Variants in RTF2 observed in about 807,000 individuals in gnomAD.
The protein encoded by RTF2 is UPF0549 protein C20orf43.
In RTF2, 18 loss-of-function variants were observed where a neutral mutation model predicts 38.0. That is an observed-to-expected ratio of 0.47 (90% CI 0.33 to 0.70). The LOEUF (loss-of-function observed/expected upper bound fraction) is 0.70, where lower values mean the gene tolerates loss of function less well. RTF2 is among the 30% of genes least tolerant of loss of function. The probability of loss-of-function intolerance (pLI) is 0.02; values close to 1 mark genes in which losing one functional copy is unlikely to be tolerated. For synonymous variants in RTF2, 126 were observed against 137.1 expected, an observed-to-expected ratio of 0.92 and a Z score of 0.57; for missense variants, 311 against 379.6, an observed-to-expected ratio of 0.82 and a Z score of 1.50.
At chr20:56,514,617 T>C (rs1034161912) in intron 6 of RTF2, among the ~76,000 whole-genome samples, 2 of 152,118 alleles carry the variant, frequency 1.3e-5, no homozygotes, top group Non-Finnish European at 2.9e-5. Context: ...CCTGGAATAA[T>C]GTGTAATTCG....
chr20:56,480,092 T>C (rs1982456811), intron 4 of RTF2, among the ~76,000 whole-genome samples: 1 of 152,226 alleles, frequency 6.6e-6, no homozygotes, highest in Non-Finnish European at 1.5e-5. Flanking sequence ...TTTTTAGCAG[T>C]AGAAGTCCTG....
chr20:56,485,237 G>A (rs910909575), intron 5 of RTF2, among the ~76,000 whole-genome samples: 15 of 152,208 alleles, frequency 9.9e-5, no homozygotes, highest in African/African-American at 1.4e-4. Flanking sequence ...CGAAGGGCAC[G>A]AGGGAGCCAG....
At chr20:56,478,384 A>T (rs1229758305) in intron 4 of RTF2, among the ~76,000 whole-genome samples, 1 of 152,000 alleles carries the variant, frequency 6.6e-6, no homozygotes, top group African/African-American at 2.4e-5. Flanking sequence ...AGACCTCGCT[A>T]CTTGGGAGGC....
intron 4 of RTF2, among the ~76,000 whole-genome samples, chr20:56,479,200 A>G (rs987034896): frequency 2.0e-5 from 3 of 152,078 alleles, no homozygotes; most frequent in Admixed American, 1.3e-4. Flanking sequence ...TCCTCTCATG[A>G]ATCACAGATT....
intron 1 of RTF2, chr20:56,472,317 A>T: frequency 6.7e-7 from 1 of 1,489,572 alleles, no homozygotes; most frequent in Non-Finnish European, 9.2e-7. Flanking sequence ...GTCCTGTTAA[A>T]TTATTCAGAT....
intron 8 of RTF2, 66 bp downstream of exon 8, chr20:56,517,267 G>T (rs867516663): frequency 7.8e-7 from 1 of 1,281,244 alleles, no homozygotes; most frequent in Middle Eastern, 2.1e-4. Flanking sequence ...GCCGAGTCCA[G>T]GTTTCACTGG....
At chr20:56,481,233 C>A (rs751050021) in intron 4 of RTF2, among the ~76,000 whole-genome samples, 7 of 152,142 alleles carry the variant, frequency 4.6e-5, no homozygotes, top group African/African-American at 1.4e-4. Flanking sequence ...AAAATGGTTT[C>A]ATTGAACTTT....
In RTF2 at chr20:56,477,118, G is replaced by A. The variant is rs748863595; in HGVS notation, c.392G>A (p.Arg131Gln). ...CPVVGLEMNG[R>Q]HRFCFLRCCG... ...GTTGTGGGCCTGGAGATGAACGGCC[G>A]ACACAGGTTAGTGACGGACCTGGGA... The change falls in exon 4 of 9, where the codon CGA becomes CAA. Residue 131 changes from arginine to glutamine, a missense_variant. By Grantham distance (43) the Arg-to-Gln change is conservative. Transcript: ENST00000357348. The A allele has an allele frequency of 6.8e-6, 11 of 1,613,548 alleles. No homozygotes were observed. The highest frequency in any genetic ancestry group is 6.7e-5 in the East Asian group (3 of 44,854).
At chr20:56,509,490 G>T (rs1040718595) in intron 5 of RTF2, among the ~76,000 whole-genome samples, 1 of 151,940 alleles carries the variant, frequency 6.6e-6, no homozygotes, top group Non-Finnish European at 1.5e-5. Flanking sequence ...GCGGGGGCCT[G>T]TAATCCCAGC....
intron 5 of RTF2, among the ~76,000 whole-genome samples, chr20:56,502,617 G>C (rs1240858760): frequency 6.6e-6 from 1 of 152,092 alleles, no homozygotes; most frequent in Non-Finnish European, 1.5e-5. Flanking sequence ...ATTCCTATGA[G>C]TAAATAGATA....
intron 5 of RTF2, among the ~76,000 whole-genome samples, chr20:56,506,106 A>C (rs6099177): frequency 0.82 from 125,409 of 152,152 alleles, 51,886 homozygotes; most frequent in East Asian, 0.99. Flanking sequence ...CTCCTTTTAT[A>C]CTACTTTGAA....
chr20:56,471,665 C>A (rs1169692402), intron 1 of RTF2: 1 of 152,226 alleles, frequency 6.6e-6, no homozygotes, highest in African/African-American at 2.4e-5. Flanking sequence ...AGAAGAGAGA[C>A]CCTGGTAAAC....
intron 5 of RTF2, among the ~76,000 whole-genome samples, chr20:56,486,652 AAAAT>A (rs921412911): frequency 1.6e-4 from 24 of 152,210 alleles, no homozygotes; most frequent in African/African-American, 3.4e-4. Context: ...CCATCTCAAA[AAAAT>A]AAATAAATAA....
Position 56,468,908 on chromosome 20 carries a change from T to A in RTF2, c.69+142T>A, listed in dbSNP as rs1411880729. 20 of 653,114 alleles carry A rather than the reference T, an allele frequency of 3.1e-5. No homozygotes were observed. In the Admixed American group the frequency reaches 5.2e-4, roughly 17 times the overall value. 40.5% of individuals were successfully genotyped at this position (653,114 alleles called of 1,614,324 possible). ...TTATTCCATTCAGAGGACTCAAAAT[T>A]AACAACAGTATTAAGAGTGGACATT... is the stretch of plus-strand genomic sequence containing the variant. On this transcript the variant is annotated intron_variant, in intron 1 of 8. Transcript: ENST00000357348.
intron 5 of RTF2, among the ~76,000 whole-genome samples, chr20:56,486,261 C>G (rs1461921107): frequency 2.0e-5 from 3 of 152,156 alleles, no homozygotes; most frequent in African/African-American, 7.2e-5. Context: ...CAGGCAGGAT[C>G]TAGCAAAACT....
At chr20:56,491,250 A>G (rs1254712225) in intron 5 of RTF2, among the ~76,000 whole-genome samples, 1 of 152,190 alleles carries the variant, frequency 6.6e-6, no homozygotes, top group Non-Finnish European at 1.5e-5. Flanking sequence ...TTCTTATTCC[A>G]GCTTGAGCCT....
At chr20:56,484,530 A>G (rs1982684399) in intron 5 of RTF2, among the ~76,000 whole-genome samples, 1 of 152,056 alleles carries the variant, frequency 6.6e-6, no homozygotes, top group African/African-American at 2.4e-5. Context: ...ACCTCCTTCC[A>G]CATTCCCCAA....
chr20:56,495,214 C>T, intron 5 of RTF2: 1 of 1,550,970 alleles, frequency 6.4e-7, no homozygotes, highest in Non-Finnish European at 8.7e-7. Flanking sequence ...TTACATCCAT[C>T]ATGAACATTT....
At chr20:56,491,799 CAAA>C (rs1568699387) in intron 5 of RTF2, 2 of 1,535,042 alleles carry the variant, frequency 1.3e-6, no homozygotes. Context: ...GAAAGAAACA[CAAA>C]AACCTAGCTG....
Sources: allele counts gnomAD v4.1 joint callset (sites outside exome capture counted in the v4.1 genomes callset), GRCh38; gene constraint gnomAD v4.1.1; transcripts MANE v1.5; gene names NCBI Gene and HGNC (gene_info 2026-07-23, HGNC 2026-07-21).